The following CSMD1 variants were observed in gnomAD, a reference collection of about 807,000 sequenced individuals.
CSMD1 encodes the protein CUB and Sushi multiple domains 1, also known as CUB and sushi domain-containing protein 1.
In CSMD1, 213 loss-of-function variants were observed where a neutral mutation model predicts 417.5. That is an observed-to-expected ratio of 0.51 (90% CI 0.46 to 0.57). The LOEUF (loss-of-function observed/expected upper bound fraction) is 0.57. Ranked by LOEUF, CSMD1 falls within the 20% of genes least tolerant of loss-of-function variation. CSMD1 has a pLI of 0.00. For synonymous variants in CSMD1, 2,862 were observed against 1,736.8 expected (o/e 1.65, Z -16.11); for missense variants, 6,923 against 4,529.7 (o/e 1.53, Z -15.17).
intron 50 of CSMD1, among the ~76,000 whole-genome samples, chr8:3,049,961 G>T (rs907849382): frequency 2.6e-5 from 4 of 152,076 alleles, no homozygotes; most frequent in African/African-American, 9.6e-5. Context: ...ACAAAGAAAC[G>T]AAAGCTCTGA....
At chr8:3,606,424 G>A (rs528350200) in intron 8 of CSMD1, among the ~76,000 whole-genome samples, 10 of 152,088 alleles carry the variant, frequency 6.6e-5, no homozygotes, top group South Asian at 2.1e-4. Flanking sequence ...GTAAGTGTTC[G>A]TATATCTAAG....
intron 2 of CSMD1, among the ~76,000 whole-genome samples, chr8:4,563,581 G>A (rs760472580): frequency 6.6e-6 from 1 of 152,068 alleles, no homozygotes; most frequent in Non-Finnish European, 1.5e-5. Flanking sequence ...CCTTATAAAT[G>A]AGTTGAAGAC....
At chr8:4,889,562 A>C (rs1803970692) in intron 1 of CSMD1, among the ~76,000 whole-genome samples, 1 of 152,120 alleles carries the variant, frequency 6.6e-6, no homozygotes, top group African/African-American at 2.4e-5. Flanking sequence ...TGTTATTTTT[A>C]AACTGTCTAT....
rs1802548309 is a variant in CSMD1, at chr8:4,868,513, G to C, written c.85+125819C>G. Among the ~76,000 whole-genome samples the C allele has an allele frequency of 3.3e-5, 5 of 152,004 alleles. No individual in the cohort carries two copies. The South Asian group carries it at 1.0e-3, about 31-fold the overall frequency. Reference sequence around the variant, plus strand: ...GGTCTCCCAAAGTGCTAAAATGACAGTCGTATTATTTTCATATTAGTGTTA... The same window carrying C: ...GGTCTCCCAAAGTGCTAAAATGACACTCGTATTATTTTCATATTAGTGTTA... On this transcript the variant is annotated intron_variant, in intron 1 of 69. Coordinates refer to ENST00000635120, the MANE Select transcript of CSMD1 (RefSeq NM_033225.6).
At chr8:3,943,662 A>G (rs918186040) in intron 5 of CSMD1, among the ~76,000 whole-genome samples, 1 of 152,184 alleles carries the variant, frequency 6.6e-6, no homozygotes, top group East Asian at 1.9e-4. Flanking sequence ...GGACAAGTCA[A>G]CAGGGGTCCC....
intron 68 of CSMD1, among the ~76,000 whole-genome samples, chr8:2,943,277 G>C (rs958106026): frequency 1.3e-5 from 2 of 151,332 alleles, no homozygotes; most frequent in African/African-American, 4.9e-5. Flanking sequence ...GCCCAGGCTG[G>C]AGTGCAGTGG....
intron 5 of CSMD1, among the ~76,000 whole-genome samples, chr8:3,878,572 C>T (rs1010376052): frequency 1.6e-4 from 24 of 151,982 alleles, no homozygotes; most frequent in Middle Eastern, 3.2e-3. Flanking sequence ...GAAAAAATTG[C>T]GTGCATTATT....
chr8:3,807,932 T>C (rs1452578216), intron 5 of CSMD1, among the ~76,000 whole-genome samples: 3 of 152,176 alleles, frequency 2.0e-5, no homozygotes, highest in Non-Finnish European at 4.4e-5. Context: ...TTGTAATTTT[T>C]GAGGCTAGGT....
chr8:4,415,600 C>T (rs1796890737), intron 3 of CSMD1, among the ~76,000 whole-genome samples: 1 of 152,182 alleles, frequency 6.6e-6, no homozygotes, highest in African/African-American at 2.4e-5. Context: ...TTTCATTCTC[C>T]TTCACTAGTC....
Position 4,194,821 on chromosome 8 carries a change from GA to G in CSMD1, c.416-162723del, listed in dbSNP as rs376690714. Among the ~76,000 whole-genome samples the G allele has an allele frequency of 7.5e-3, 1,104 of 147,688 alleles. 18 individuals carry two copies. The highest frequency in any genetic ancestry group is 0.025 in the African/African-American group (999 of 40,414). On this transcript the variant is annotated intron_variant, in intron 3 of 69. Transcript: ENST00000635120. ...CTTTGGTCACTATGAGTTCTGCAAA[GA>G]AAAAAAAAAGTTTGTTTCAGGATCT...
At chr8:3,416,536 T>TA (rs1484127786) in intron 12 of CSMD1, among the ~76,000 whole-genome samples, 1 of 152,140 alleles carries the variant, frequency 6.6e-6, no homozygotes, top group Non-Finnish European at 1.5e-5. Context: ...CAGAAAGGAA[T>TA]GAGACATAAC....
chr8:3,884,022 G>A (rs1024566183), intron 5 of CSMD1, among the ~76,000 whole-genome samples: 1 of 152,106 alleles, frequency 6.6e-6, no homozygotes, highest in Non-Finnish European at 1.5e-5. Context: ...AAATATTTTA[G>A]TTTTCATGCA....
chr8:4,786,634 T>G (rs150059553), intron 1 of CSMD1, among the ~76,000 whole-genome samples: 1 of 152,222 alleles, frequency 6.6e-6, no homozygotes, highest in South Asian at 2.1e-4. Context: ...CTCTCTCTGA[T>G]CTGAGCCTGA....
chr8:3,842,830 T>C (rs1281959680), intron 5 of CSMD1, among the ~76,000 whole-genome samples: 2 of 152,182 alleles, frequency 1.3e-5, no homozygotes, highest in African/African-American at 4.8e-5. Context: ...CATTAGCAGA[T>C]GGCTGCTACA....
intron 1 of CSMD1, among the ~76,000 whole-genome samples, chr8:4,902,254 A>G (rs1198937523): frequency 6.6e-6 from 1 of 150,688 alleles, no homozygotes; most frequent in Non-Finnish European, 1.5e-5. Context: ...TTAAAAAGAC[A>G]AAACATCTCG....
At chr8:4,276,043 C>T (rs111720293) in intron 3 of CSMD1, among the ~76,000 whole-genome samples, 1 of 152,092 alleles carries the variant, frequency 6.6e-6, no homozygotes, top group Non-Finnish European at 1.5e-5. Context: ...TTAGTTCAAC[C>T]GTTGTGGAAG....
chr8:3,451,734 T>A (rs562968996), intron 12 of CSMD1, among the ~76,000 whole-genome samples: 118 of 152,342 alleles, frequency 7.7e-4, no homozygotes, highest in African/African-American at 2.7e-3. Context: ...TAATATAGTT[T>A]GAAGTCAGGT....
intron 3 of CSMD1, among the ~76,000 whole-genome samples, chr8:4,326,710 G>C (rs1051009412): frequency 1.3e-5 from 2 of 152,146 alleles, no homozygotes; most frequent in African/African-American, 4.8e-5. Flanking sequence ...CATTCCGTTT[G>C]GGTAACACCA....
intron 65 of CSMD1, among the ~76,000 whole-genome samples, chr8:2,953,602 A>T (rs1030857486): frequency 5.9e-5 from 9 of 152,240 alleles, no homozygotes; most frequent in African/African-American, 1.7e-4. Context: ...TTTGTTATTT[A>T]AAAATAATTT....
Sources: allele counts gnomAD v4.1 joint callset (sites outside exome capture counted in the v4.1 genomes callset), GRCh38; gene constraint gnomAD v4.1.1; transcripts MANE v1.5; gene names NCBI Gene and HGNC (gene_info 2026-07-23, HGNC 2026-07-21).